CDH13: variants seen among roughly 807,000 people sequenced by gnomAD.
CDH13 encodes cadherin-13.
In CDH13, 24 loss-of-function variants were observed where a neutral mutation model predicts 63.8. The ratio of observed to expected loss-of-function variants is 0.38; its 90% CI spans 0.27 to 0.53. The LOEUF is 0.53. Among genes scored for constraint, CDH13 ranks in the 20% least tolerant of loss-of-function variants. The probability of loss-of-function intolerance (pLI) is 0.85; values close to 1 mark genes in which losing one functional copy is unlikely to be tolerated. For synonymous variants in CDH13, 503 were observed against 355.3 expected (o/e 1.42, Z -4.67); for missense variants, 1,049 against 903.1 (o/e 1.16, Z -2.07).
At chr16:83,241,426 G>C (rs1057018258) in intron 5 of CDH13, among the ~76,000 whole-genome samples, 5 of 152,126 alleles carry the variant, frequency 3.3e-5, no homozygotes, top group Admixed American at 6.5e-5. Flanking sequence ...TATAATGATT[G>C]TGCTATTTTA....
chr16:83,123,151 TGTATGA>T, intron 3 of CDH13, among the ~76,000 whole-genome samples: 1 of 152,084 alleles, frequency 6.6e-6, no homozygotes, highest in East Asian at 1.9e-4. Context: ...TGCGTGTGTG[TGTATGA>T]GTATGTGTGT....
At chr16:83,090,971 A>G (rs1373599643) in intron 3 of CDH13, among the ~76,000 whole-genome samples, 1 of 151,866 alleles carries the variant, frequency 6.6e-6, no homozygotes. Flanking sequence ...AGTATATTGC[A>G]TATATATAAA....
intron 3 of CDH13, among the ~76,000 whole-genome samples, chr16:83,104,399 A>C (rs2034660044): frequency 6.6e-6 from 1 of 152,204 alleles, no homozygotes; most frequent in Non-Finnish European, 1.5e-5. Context: ...GAGGCTCTGT[A>C]ATGCGACAAA....
At chr16:83,075,653 C>T (rs965479650) in intron 3 of CDH13, among the ~76,000 whole-genome samples, 8 of 152,138 alleles carry the variant, frequency 5.3e-5, no homozygotes, top group East Asian at 1.9e-4. Flanking sequence ...CTGAGTTAGG[C>T]GAGGCGGTCC....
At chr16:83,351,815 G>T (rs1217032805) in intron 6 of CDH13, among the ~76,000 whole-genome samples, 2 of 152,166 alleles carry the variant, frequency 1.3e-5, no homozygotes, top group Non-Finnish European at 2.9e-5. Flanking sequence ...GAGGATTTTA[G>T]TCTGTATCTT....
chr16:83,552,566 A>T (rs779034742), intron 7 of CDH13, among the ~76,000 whole-genome samples: 3 of 152,172 alleles, frequency 2.0e-5, no homozygotes, highest in Admixed American at 6.5e-5. Context: ...TGAAAGTGCA[A>T]ATTACTTTTT....
intron 5 of CDH13, among the ~76,000 whole-genome samples, chr16:83,268,970 T>A (rs2088709892): frequency 6.6e-6 from 1 of 152,310 alleles, no homozygotes; most frequent in East Asian, 1.9e-4. Context: ...CAAAGAAGCA[T>A]GAAGGTGCTT....
chr16:83,774,428 A>C (rs1346758293), intron 11 of CDH13, among the ~76,000 whole-genome samples: 1 of 151,972 alleles, frequency 6.6e-6, no homozygotes, highest in Non-Finnish European at 1.5e-5. Flanking sequence ...GCTGGAGTGC[A>C]GTGGTGCAGT....
chr16:83,057,825 A>G (rs1481196434), intron 3 of CDH13, among the ~76,000 whole-genome samples: 1 of 152,198 alleles, frequency 6.6e-6, no homozygotes, highest in Non-Finnish European at 1.5e-5. Context: ...CTTCCAGCAC[A>G]CTTGTATTTT....
At chr16:83,645,974 A>G (rs189881645) in intron 8 of CDH13, among the ~76,000 whole-genome samples, 9 of 152,316 alleles carry the variant, frequency 5.9e-5, no homozygotes, top group Admixed American at 2.6e-4. Context: ...ATAGCTACAT[A>G]AACTGGGGGA....
intron 4 of CDH13, among the ~76,000 whole-genome samples, chr16:83,150,688 T>C (rs1276268263): frequency 6.6e-6 from 1 of 152,228 alleles, no homozygotes; most frequent in African/African-American, 2.4e-5. Flanking sequence ...CTATTTACTA[T>C]ATGCTTATAT....
At chr16:83,349,094 C>G (rs536153670) in intron 6 of CDH13, among the ~76,000 whole-genome samples, 69 of 152,280 alleles carry the variant, frequency 4.5e-4, no homozygotes, top group African/African-American at 1.6e-3. Flanking sequence ...GCACTGAACT[C>G]CGGGGTATTG....
chr16:83,336,300 C>CAAAAAAAAAAAAAAA (rs376325733), intron 5 of CDH13, among the ~76,000 whole-genome samples: 1 of 49,008 alleles, frequency 2.0e-5, no homozygotes, highest in African/African-American at 6.9e-5. Flanking sequence ...GACTCCATCT[C>CAAAAAAAAAAAAAAA]AAAAAAAAAA....
chr16:83,359,016 C>T (rs1280711675), intron 6 of CDH13, among the ~76,000 whole-genome samples: 4 of 152,098 alleles, frequency 2.6e-5, no homozygotes, highest in African/African-American at 9.7e-5. Flanking sequence ...GGCTTCGTGT[C>T]CACATTCCAG....
rs929989378 is a variant in CDH13 at position 83,434,845 on chromosome 16, A to G, written c.782-51632A>G. 1.6e-3 allele frequency among the ~76,000 whole-genome samples: 133 copies of G among 80,768 alleles called. 1 individual carries two copies. Among genetic ancestry groups the G allele is most frequent in the African/African-American group, 9.5e-3 (117 of 12,332 alleles). 53.0% of individuals were successfully genotyped at this position (80,768 alleles called of 152,430 possible). ...ACCTGCACCTATTTAAAATATATAT[A>G]TATGTGTGTGCGTGTGTGTGTGTGT... is the stretch of plus-strand genomic sequence containing the variant. On this transcript the variant is annotated intron_variant, in intron 6 of 13. Coordinates refer to ENST00000567109, the MANE Select transcript of CDH13 (RefSeq NM_001257.5).
At chr16:83,389,542 A>G (rs2091743792) in intron 6 of CDH13, among the ~76,000 whole-genome samples, 1 of 152,004 alleles carries the variant, frequency 6.6e-6, no homozygotes, top group African/African-American at 2.4e-5. Flanking sequence ...CTCCTCCTCA[A>G]TCCCTTTATT....
intron 1 of CDH13, among the ~76,000 whole-genome samples, chr16:82,700,666 A>G (rs1310040086): frequency 1.3e-5 from 2 of 152,132 alleles, no homozygotes; most frequent in Non-Finnish European, 2.9e-5. Context: ...TTTCAAAAAC[A>G]GTCAGAGAAA....
chr16:83,598,630 C>G (rs911277230), intron 7 of CDH13, among the ~76,000 whole-genome samples: 4 of 152,062 alleles, frequency 2.6e-5, no homozygotes, highest in Non-Finnish European at 5.9e-5. Context: ...ACATCTGAAT[C>G]AAGTGTCTTG....
intron 1 of CDH13, among the ~76,000 whole-genome samples, chr16:82,633,194 G>C (rs1345126828): frequency 6.6e-6 from 1 of 152,194 alleles, no homozygotes; most frequent in Non-Finnish European, 1.5e-5. Flanking sequence ...CCAAGAGCAT[G>C]GCTGTCCTTG....
Sources: gnomAD v4.1 joint callset for allele counts (sites outside exome capture counted in the v4.1 genomes callset) on GRCh38, gnomAD v4.1.1 for gene constraint, MANE v1.5 for transcripts, NCBI Gene and HGNC (gene_info 2026-07-23, HGNC 2026-07-21) for gene names.